The following DPP10 variants were observed in gnomAD, a reference collection of about 807,000 sequenced individuals.
The protein encoded by DPP10 is dipeptidyl peptidase like 10.
Under a neutral mutation model 120.9 loss-of-function variants are expected in DPP10, and 33 were observed. The observed-to-expected ratio is 0.27, with a 90% confidence interval of 0.21 to 0.37. DPP10 has a LOEUF of 0.37. Among genes scored for constraint, DPP10 ranks in the 10% least tolerant of loss-of-function variants. The pLI, the probability that DPP10 is intolerant of heterozygous loss-of-function variation, is 1.00. For missense variants in DPP10, 816 were observed against 942.8 expected (o/e 0.87, Z 1.76); for synonymous variants, 337 against 326.1 (o/e 1.03, Z -0.36).
intron 1 of DPP10, among the ~76,000 whole-genome samples, chr2:115,273,281 C>T (rs1260761470): frequency 6.6e-6 from 1 of 152,082 alleles, no homozygotes; most frequent in Non-Finnish European, 1.5e-5. Context: ...TACTCTCCTT[C>T]ATGGCCAGTT....
At chr2:114,613,152 T>C (rs1446662070) in intron 1 of DPP10, among the ~76,000 whole-genome samples, 1 of 152,178 alleles carries the variant, frequency 6.6e-6, no homozygotes, top group Non-Finnish European at 1.5e-5. Context: ...GTAAAATAAA[T>C]TTTTAGAGGC....
chr2:115,154,478 T>A (rs1325858605), intron 1 of DPP10, among the ~76,000 whole-genome samples: 1 of 152,160 alleles, frequency 6.6e-6, no homozygotes, highest in East Asian at 1.9e-4. Context: ...AAGATGAATC[T>A]TGATATTCAG....
At chr2:115,367,964 C>A (rs2065176131) in intron 3 of DPP10, among the ~76,000 whole-genome samples, 1 of 152,044 alleles carries the variant, frequency 6.6e-6, no homozygotes, top group Non-Finnish European at 1.5e-5. Context: ...CCTAGTTCTG[C>A]CTTCCTCTGG....
chr2:114,822,578 T>C (rs1210207253), intron 1 of DPP10, among the ~76,000 whole-genome samples: 1 of 152,232 alleles, frequency 6.6e-6, no homozygotes, highest in African/African-American at 2.4e-5. Flanking sequence ...GTTTTGCTTT[T>C]GTATTGCATT....
In DPP10 at chr2:115,792,717, G is replaced by A. The variant is rs555080964; in HGVS notation, c.1700+1361G>A. ...GGAAAAATGTTTAAGGCACTAAAAC[G>A]AGACAAAAAGAAAGCAAAAATCAAA... On this transcript the variant is annotated intron_variant, in intron 19 of 25. Transcript: ENST00000410059. Among the ~76,000 whole-genome samples the A allele has an allele frequency of 1.5e-4, 23 of 152,128 alleles. No homozygotes were observed. The South Asian group carries it at 4.1e-3, about 27-fold the overall frequency.
intron 1 of DPP10, among the ~76,000 whole-genome samples, chr2:115,266,847 A>G (rs1480601323): frequency 6.6e-6 from 1 of 152,216 alleles, no homozygotes; most frequent in Non-Finnish European, 1.5e-5. Flanking sequence ...TCCTATCCTT[A>G]TACGGTATTT....
intron 3 of DPP10, among the ~76,000 whole-genome samples, chr2:115,430,822 ACTGCTCACT>A (rs536417038): frequency 4.7e-4 from 71 of 152,320 alleles, no homozygotes; most frequent in African/African-American, 1.6e-3. Flanking sequence ...TCTGTGTTTT[ACTGCTCACT>A]CGACTCCTAC....
intron 24 of DPP10, among the ~76,000 whole-genome samples, chr2:115,838,788 A>G (rs774090710): frequency 6.6e-5 from 10 of 152,130 alleles, no homozygotes; most frequent in African/African-American, 9.7e-5. Context: ...GTGAGCACAC[A>G]CACACATAGG....
chr2:114,613,884 C>G (rs1693471081), intron 1 of DPP10, among the ~76,000 whole-genome samples: 1 of 152,042 alleles, frequency 6.6e-6, no homozygotes, highest in Admixed American at 6.6e-5. Context: ...AACCAAACAC[C>G]ACGTGTTCTC....
intron 1 of DPP10, among the ~76,000 whole-genome samples, chr2:115,081,886 T>C (rs138059645): frequency 6.6e-6 from 1 of 152,308 alleles, no homozygotes; most frequent in Non-Finnish European, 1.5e-5. Context: ...TTATTAGACT[T>C]CCAATTTTAG....
At chr2:114,852,200 C>G (rs1021561138) in intron 1 of DPP10, among the ~76,000 whole-genome samples, 12 of 123,278 alleles carry the variant, frequency 9.7e-5, no homozygotes, top group Non-Finnish European at 1.8e-4. Context: ...GCCTACAACC[C>G]TAGTCTCTTT....
intron 1 of DPP10, among the ~76,000 whole-genome samples, chr2:114,623,400 C>A (rs2105340198): frequency 6.6e-6 from 1 of 152,144 alleles, no homozygotes; most frequent in Middle Eastern, 3.4e-3. Flanking sequence ...TTTTAAAAGA[C>A]AAATACATTC....
intron 1 of DPP10, among the ~76,000 whole-genome samples, chr2:114,500,328 C>T (rs1379426768): frequency 6.6e-6 from 1 of 152,208 alleles, no homozygotes; most frequent in African/African-American, 2.4e-5. Flanking sequence ...ATTAGGTCTA[C>T]ATGTAATACA....
chr2:115,122,575 G>A (rs907933740), intron 1 of DPP10, among the ~76,000 whole-genome samples: 2 of 152,228 alleles, frequency 1.3e-5, no homozygotes, highest in African/African-American at 2.4e-5. Flanking sequence ...GCAATGAGCC[G>A]AGACACATCT....
intron 1 of DPP10, among the ~76,000 whole-genome samples, chr2:115,030,814 G>A (rs1411753330): frequency 2.6e-5 from 4 of 152,122 alleles, no homozygotes; most frequent in Admixed American, 6.6e-5. Flanking sequence ...CACTGTTGGT[G>A]GGAGTGTAAA....
intron 3 of DPP10, among the ~76,000 whole-genome samples, chr2:115,481,668 AAC>A (rs1178898420): frequency 6.6e-6 from 1 of 152,044 alleles, no homozygotes; most frequent in Non-Finnish European, 1.5e-5. Flanking sequence ...CCTTTATAGA[AAC>A]AGTGTATAAA....
At chr2:114,915,577 C>A (rs557288633) in intron 1 of DPP10, among the ~76,000 whole-genome samples, 1 of 152,226 alleles carries the variant, frequency 6.6e-6, no homozygotes, top group South Asian at 2.1e-4. Context: ...AATCTAAAAT[C>A]AATCATATGC....
In DPP10 at chr2:115,842,474, C is replaced by T. The variant is rs138876252; in HGVS notation, c.*129C>T. 115 of 1,086,676 alleles carry T rather than the reference C, an allele frequency of 1.1e-4. No individual in the cohort carries two copies. The African/African-American group carries it at 1.7e-3, about 16-fold the overall frequency. The allele number at this position is 1,086,676 out of a possible 1,614,324, so 67.3% of individuals were successfully genotyped here. A position where few individuals can be genotyped will look rare whatever the true frequency, so the allele number is the denominator to read the frequency against. ...GGAGATGTCACTGGAGCAGCACGCT[C>T]AGAGACAGTGAACTAGCATTTGAAT... On this transcript the variant is annotated 3_prime_UTR_variant, in exon 26 of 26. Transcript: ENST00000410059.
At chr2:115,403,078 G>A (rs1421654927) in intron 3 of DPP10, among the ~76,000 whole-genome samples, 1 of 151,012 alleles carries the variant, frequency 6.6e-6, no homozygotes, top group Non-Finnish European at 1.5e-5. Flanking sequence ...ACAATCAAGT[G>A]AGAGTTATTC....
Sources: allele counts gnomAD v4.1 joint callset (sites outside exome capture counted in the v4.1 genomes callset), GRCh38; gene constraint gnomAD v4.1.1; transcripts MANE v1.5; gene names NCBI Gene and HGNC (gene_info 2026-07-23, HGNC 2026-07-21).